The following PAOX variants were observed in gnomAD, a reference collection of about 807,000 sequenced individuals.
The protein encoded by PAOX is polyamine oxidase, also known as peroxisomal N(1)-acetyl-spermine/spermidine oxidase.
Under a neutral mutation model 39.0 loss-of-function variants are expected in PAOX, and 38 were observed. The observed-to-expected ratio is 0.97, with a 90% CI of 0.75 to 1.28. The LOEUF is 1.28. Among genes scored for constraint, PAOX ranks in the 50% most tolerant of loss-of-function variants. The probability of loss-of-function intolerance (pLI) is 0.00; values close to 1 mark genes in which losing one functional copy is unlikely to be tolerated. For missense variants in PAOX, 667 were observed against 685.7 expected (o/e 0.97, Z 0.30); for synonymous variants, 311 against 314.4 (o/e 0.99, Z 0.11).
chr10:133,382,793 A>C (rs553191494), intron 3 of PAOX: 5 of 150,974 alleles, frequency 3.3e-5, no homozygotes, highest in Admixed American at 6.6e-5. Context: ...GAAAAAAAAA[A>C]AAACCAAAAA....
In PAOX at chr10:133,384,105, G is replaced by A; in HGVS notation, c.1014G>A (p.Leu338=). The A allele has an allele frequency of 6.2e-7, 1 of 1,614,230 alleles. No homozygotes were observed. Residue 338 remains leucine, a synonymous_variant, in exon 4 of 7, where the codon CTG becomes CTA. Transcript: ENST00000278060. This position sits in a 1 kb window ranked among gnomAD's most constrained non-coding sequence, Gnocchi z 4.3. ...EEPFWEPDCQ[L]IQLVWEDTSP... Reference sequence around the variant, plus strand: ...CCTTCTGGGAGCCAGACTGCCAGCTGATCCAGCTGGTGTGGGAGGACACGT... The same window carrying A: ...CCTTCTGGGAGCCAGACTGCCAGCTAATCCAGCTGGTGTGGGAGGACACGT...
intron 6 of PAOX, 128 bp from the exon 7 acceptor site, chr10:133,391,184 G>A (rs540582441): frequency 2.4e-5 from 22 of 927,140 alleles, no homozygotes; most frequent in African/African-American, 4.9e-5. Context: ...TTTCTCGTCC[G>A]TTGGTGGAGG....
At chr10:133,383,194 A>G (rs1259553727) in intron 3 of PAOX, among the ~76,000 whole-genome samples, 2 of 152,202 alleles carry the variant, frequency 1.3e-5, no homozygotes, top group African/African-American at 2.4e-5. Flanking sequence ...TCAAAAAAAA[A>G]GGAGCGGGTT....
Position 133,380,128 on chromosome 10 carries a change from C to T in PAOX, c.311C>T (p.Thr104Ile). Residue 104 changes from threonine (T) to isoleucine (I), a missense_variant, in exon 2 of 7, where the codon ACC becomes ATC. Transcript: ENST00000278060. ...ELSQENQLVETGGHVGLPSVS... is the reference protein window; with the variant it reads ...ELSQENQLVEIGGHVGLPSVS... ...TCCCAGGAGAACCAGCTGGTGGAGA[C>T]CGGGGGTCACGTGGGCCTGCCCTCC... The T allele has an allele frequency of 1.9e-6, 3 of 1,584,012 alleles. No homozygotes were observed. Among genetic ancestry groups the T allele is most frequent in the African/African-American group, 2.7e-5 (2 of 74,538 alleles).
Position 133,381,636 on chromosome 10 carries a change from A to G in PAOX, c.845A>G (p.His282Arg). Residue 282 changes from histidine to arginine, a missense_variant, in exon 3 of 7, where the codon CAT (histidine) becomes CGT (arginine). Transcript: ENST00000278060. ...CEDGDRFPAHHVIVTVPLGFL... is the reference protein window; with the variant it reads ...CEDGDRFPAHRVIVTVPLGFL... ...GATGGAGACCGGTTCCCGGCGCACC[A>G]TGTCATCGTCACCGTGCCCTTAGGT... 6.2e-7 allele frequency: 1 copy of G among 1,613,126 alleles called. No individual in the cohort carries two copies. The highest frequency in any genetic ancestry group is 8.5e-7 in the Non-Finnish European group (1 of 1,179,996).
At chr10:133,380,527 C>T in intron 2 of PAOX, 42 bp downstream of exon 2, 1 of 1,546,676 alleles carries the variant, frequency 6.5e-7, no homozygotes, top group Non-Finnish European at 8.7e-7. Context: ...TCCCACCAGG[C>T]TCCCCAGGGC....
In PAOX at chr10:133,384,577, T is replaced by C. The variant is rs1256151454; in HGVS notation, c.1121+365T>C. Among the ~76,000 whole-genome samples the C allele has an allele frequency of 1.3e-5, 2 of 152,064 alleles. No individual in the cohort carries two copies. The highest frequency in any genetic ancestry group is 2.9e-5 in the Non-Finnish European group (2 of 68,004). ...TGCCCATACGTGGGGAGACAATACTTAAATGGGATGAAATAATTGAAGGAA... is the reference window on the plus strand; with the variant it reads ...TGCCCATACGTGGGGAGACAATACTCAAATGGGATGAAATAATTGAAGGAA... On this transcript the variant is annotated intron_variant, in intron 4 of 6. Transcript: ENST00000278060. This position sits in a 1 kb window ranked among gnomAD's most constrained non-coding sequence, Gnocchi z 4.3.
At chr10:133,379,756 C>T (rs1849300657) in intron 1 of PAOX, 7 of 547,540 alleles carry the variant, frequency 1.3e-5, no homozygotes, top group Non-Finnish European at 1.4e-5. Context: ...CCCCCCCAGC[C>T]CCGGGGTACG....
chr10:133,388,148 T>A (rs1177952258), intron 4 of PAOX, among the ~76,000 whole-genome samples: 2 of 152,180 alleles, frequency 1.3e-5, no homozygotes, highest in East Asian at 3.8e-4. Context: ...ATATATATAT[T>A]TTAATTTTTA....
chr10:133,391,460 G>A lies in PAOX; in HGVS notation c.*5G>A, dbSNP rs1185678850. 1 of 1,611,052 alleles carries A rather than the reference G, an allele frequency of 6.2e-7. No homozygotes were observed. The highest frequency in any genetic ancestry group is 8.5e-7 in the Non-Finnish European group (1 of 1,179,048). ...CAGCCCAGGCCCAGGCTCTAGCTGGGCCCAGCCTACTCTGTTCCACCCGTG... is the reference window on the plus strand; with the variant it reads ...CAGCCCAGGCCCAGGCTCTAGCTGGACCCAGCCTACTCTGTTCCACCCGTG... On this transcript the variant is annotated 3_prime_UTR_variant, in exon 7 of 7. Transcript: ENST00000278060.
At chr10:133,382,959 G>T (rs763465673) in intron 3 of PAOX, 3 of 152,164 alleles carry the variant, frequency 2.0e-5, no homozygotes, top group African/African-American at 7.2e-5. Flanking sequence ...TGCAGGCCCT[G>T]CTAAGTGCTG....
chr10:133,380,527 C>G, intron 2 of PAOX, 42 bp downstream of exon 2: 1 of 1,546,676 alleles, frequency 6.5e-7, no homozygotes, highest in East Asian at 2.3e-5. Flanking sequence ...TCCCACCAGG[C>G]TCCCCAGGGC....
intron 2 of PAOX, 52 bp downstream of exon 2, chr10:133,380,537 C>T: frequency 6.5e-7 from 1 of 1,528,532 alleles, no homozygotes; most frequent in Non-Finnish European, 8.8e-7. Context: ...CTCCCCAGGG[C>T]ACCGGGGCTG....
intron 3 of PAOX, 72 bp downstream of exon 3, chr10:133,381,731 C>T (rs1849388891): frequency 2.0e-6 from 3 of 1,502,410 alleles, no homozygotes; most frequent in African/African-American, 1.4e-5. Flanking sequence ...CCTCAGTTGG[C>T]TCTGGGGCGT....
chr10:133,385,698 C>T (rs1049613564), intron 4 of PAOX, among the ~76,000 whole-genome samples: 2 of 152,204 alleles, frequency 1.3e-5, no homozygotes, highest in Admixed American at 1.3e-4. Flanking sequence ...ATTCTCCTGC[C>T]TCAGCCTCCT....
chr10:133,387,845 C>T (rs189640332), intron 4 of PAOX, among the ~76,000 whole-genome samples: 9 of 152,342 alleles, frequency 5.9e-5, no homozygotes, highest in Admixed American at 2.6e-4. Flanking sequence ...CTCAACCTGC[C>T]GAGTAGCTGG....
rs1849477714 is a variant in PAOX at position 133,384,254 on chromosome 10, T to C, written c.1121+42T>C. 4 of 1,602,142 alleles carry C rather than the reference T, an allele frequency of 2.5e-6. No homozygotes were observed. The South Asian group carries it at 3.3e-5, about 13-fold the overall frequency. On this transcript the variant is annotated intron_variant, in intron 4 of 6. Coordinates refer to ENST00000278060, the MANE Select transcript of PAOX (RefSeq NM_152911.4). This position sits in a 1 kb window ranked among gnomAD's most constrained non-coding sequence, Gnocchi z 4.3. ...AGAAGTTCTGCGAGTGGCTGGCTCA[T>C]AGGCCTTCATCTGATGGAGGACGCA... is the stretch of plus-strand genomic sequence containing the variant.
chr10:133,379,786 T>G, intron 1 of PAOX: 2 of 607,356 alleles, frequency 3.3e-6, no homozygotes, highest in Non-Finnish European at 5.1e-6. Flanking sequence ...CGCCCCTCCC[T>G]CTGGTCCACA....
chr10:133,386,453 A>G (rs1425108612), intron 4 of PAOX, among the ~76,000 whole-genome samples: 1 of 152,046 alleles, frequency 6.6e-6, no homozygotes, highest in East Asian at 1.9e-4. Context: ...ATCTACATGG[A>G]TATGTGGTTG....
Sources: allele counts gnomAD v4.1 joint callset (sites outside exome capture counted in the v4.1 genomes callset), GRCh38; gene constraint gnomAD v4.1.1; non-coding constraint Gnocchi (gnomAD v3.1); transcripts MANE v1.5; gene names NCBI Gene and HGNC (gene_info 2026-07-23, HGNC 2026-07-21).